The following NBPF10 variants were observed in gnomAD, a reference collection of about 807,000 sequenced individuals.
NBPF10 encodes NBPF member 10.
In NBPF10, 63 loss-of-function variants were observed where a neutral mutation model predicts 77.9. That is an observed-to-expected ratio of 0.81 (90% CI 0.66 to 1.00). The LOEUF is 1.00. Ranked by LOEUF, NBPF10 falls within the 50% of genes least tolerant of loss-of-function variation. NBPF10 has a pLI of 0.00. For missense variants in NBPF10, 522 were observed against 679.8 expected (o/e 0.77, Z 2.58); for synonymous variants, 146 against 264.5 (o/e 0.55, Z 4.35).
chr1:146,134,006 T>C (rs587672621), intron 9 of NBPF10, among the ~76,000 whole-genome samples, 187 bp downstream of exon 9: 7 of 150,754 alleles, frequency 4.6e-5, no homozygotes, highest in Non-Finnish European at 8.8e-5. Context: ...GGTGCAGACA[T>C]GACACTCAGC....
At chr1:146,074,027 A>G (rs1559314932) in intron 80 of NBPF10, among the ~76,000 whole-genome samples, 3 of 95,786 alleles carry the variant, frequency 3.1e-5, no homozygotes, top group East Asian at 2.8e-4. Flanking sequence ...CAGATCCAAC[A>G]TCTTGAGAGT....
At chr1:146,084,400 CA>C in intron 67 of NBPF10, 117 bp downstream of exon 67, 1 of 119,054 alleles carries the variant, frequency 8.4e-6, no homozygotes, top group African/African-American at 3.1e-5. Context: ...ACAGCAATGA[CA>C]GTAGGAGTAA....
At chr1:146,142,420 A>C (rs3872117) in intron 2 of NBPF10, among the ~76,000 whole-genome samples, 8 of 134,646 alleles carry the variant, frequency 5.9e-5, no homozygotes, top group Non-Finnish European at 1.0e-4. Context: ...TAAATTTCAC[A>C]TCAACAATTA....
chr1:146,126,590 G>A (rs587656036), intron 13 of NBPF10, among the ~76,000 whole-genome samples, 182 bp from the exon 14 acceptor site: 26 of 100,396 alleles, frequency 2.6e-4, no homozygotes, highest in East Asian at 1.4e-3. Context: ...AAGGATGAAC[G>A]AGAAAGACAC....
At chr1:146,069,892 TGAAAGA>T (rs1655651922) in intron 85 of NBPF10, among the ~76,000 whole-genome samples, 177 bp from the exon 86 acceptor site, 1 of 114,144 alleles carries the variant, frequency 8.8e-6, no homozygotes, top group South Asian at 2.5e-4. Flanking sequence ...TAGAAAACAA[TGAAAGA>T]GAAAGACAGA....
At chr1:146,081,002 C>G (rs1477060226) in intron 71 of NBPF10, among the ~76,000 whole-genome samples, 7 of 80,624 alleles carry the variant, frequency 8.7e-5, no homozygotes, top group African/African-American at 2.0e-4. Flanking sequence ...CACACACACA[C>G]ACACACACAC....
chr1:146,140,248 A>G (rs1259846062), intron 4 of NBPF10, among the ~76,000 whole-genome samples: 3 of 125,028 alleles, frequency 2.4e-5, no homozygotes, highest in African/African-American at 7.8e-5. Context: ...CACTGAACAG[A>G]TAGGAGCTGA....
intron 14 of NBPF10, 138 bp downstream of exon 14, chr1:146,126,098 C>T: frequency 7.6e-6 from 5 of 659,740 alleles, no homozygotes; most frequent in Non-Finnish European, 1.1e-5. Context: ...ACTAGAGTTT[C>T]ATTCAACCTA....
intron 28 of NBPF10, among the ~76,000 whole-genome samples, 187 bp downstream of exon 28, chr1:146,115,027 TAGGAATAGAGCCTTGC>T (rs1403732035): frequency 4.9e-5 from 4 of 81,490 alleles, no homozygotes; most frequent in African/African-American, 2.1e-4. Flanking sequence ...GGCTGGAGAC[TAGGAATAGAGCCTTGC>T]TCACTGACCC....
At chr1:146,066,716 G>A (rs1445168217) in intron 89 of NBPF10, among the ~76,000 whole-genome samples, 155 bp from the exon 90 acceptor site, 2 of 148,882 alleles carry the variant, frequency 1.3e-5, no homozygotes, top group African/African-American at 4.9e-5. Flanking sequence ...CTTTATGTTG[G>A]GATAGAACAG....
chr1:146,126,216 C>T lies in NBPF10; in HGVS notation c.2026+20G>A, dbSNP rs1259046880. ...AGAAGACTCAGTGGATCCTTATCACCTTCATAGAAAGGTACTCACCATCCA... is the reference window on the plus strand; with the variant it reads ...AGAAGACTCAGTGGATCCTTATCACTTTCATAGAAAGGTACTCACCATCCA... On this transcript the variant is annotated intron_variant, in intron 14 of 89. Transcript: ENST00000583866. The T allele has an allele frequency of 1.3e-6, 2 of 1,542,176 alleles. No homozygotes were observed. The highest frequency in any genetic ancestry group is 2.2e-5 in the East Asian group (1 of 44,508).
intron 13 of NBPF10, among the ~76,000 whole-genome samples, chr1:146,126,685 G>C (rs1238217361): frequency 1.4e-5 from 2 of 145,318 alleles, no homozygotes; most frequent in East Asian, 4.0e-4. Flanking sequence ...GGGAGTCAAA[G>C]GACACTCTGT....
chr1:146,138,834 C>T (rs113374098), intron 5 of NBPF10, among the ~76,000 whole-genome samples: 1 of 143,540 alleles, frequency 7.0e-6, no homozygotes, highest in Non-Finnish European at 1.6e-5. Context: ...ACGCAGGCTG[C>T]AGTGCAGAGG....
intron 2 of NBPF10, among the ~76,000 whole-genome samples, chr1:146,142,430 A>G (rs1210329415): frequency 7.4e-6 from 1 of 134,512 alleles, no homozygotes; most frequent in African/African-American, 2.5e-5. Flanking sequence ...ATCAACAATT[A>G]CTTGTTTGAA....
At chr1:146,114,262 C>T (rs1657718202) in intron 29 of NBPF10, among the ~76,000 whole-genome samples, 1 of 1,606 alleles carries the variant, frequency 6.2e-4, no homozygotes, top group African/African-American at 9.5e-4. Flanking sequence ...AAGTCTGGTC[C>T]ACCTACAGTA....
intron 35 of NBPF10, among the ~76,000 whole-genome samples, chr1:146,109,345 CAGAGAG>C (rs782284106): frequency 0.037 from 2,271 of 61,746 alleles, 11 homozygotes; most frequent in Non-Finnish European, 0.045. Flanking sequence ...CACACACACA[CAGAGAG>C]AGAGAGAGAG....
exon 14 of NBPF10, chr1:146,126,276 T>A (rs782090466): frequency 2.5e-6 from 4 of 1,607,606 alleles, no homozygotes; most frequent in South Asian, 1.1e-5. Flanking sequence ...GTTGCTCCAA[T>A]ATGTAAAAGG....
intron 13 of NBPF10, among the ~76,000 whole-genome samples, chr1:146,126,656 T>C (rs1658731476): frequency 1.4e-5 from 2 of 141,790 alleles, no homozygotes; most frequent in African/African-American, 2.6e-5. Flanking sequence ...AGTCAATTGG[T>C]CAGGTGACAC....
intron 2 of NBPF10, among the ~76,000 whole-genome samples, chr1:146,142,337 C>G (rs4339812): frequency 7.7e-6 from 1 of 130,370 alleles, no homozygotes; most frequent in African/African-American, 2.6e-5. Context: ...AGTGGGGTGG[C>G]GATAGCACAC....
Sources: gnomAD v4.1 joint callset for allele counts (sites outside exome capture counted in the v4.1 genomes callset) on GRCh38, gnomAD v4.1.1 for gene constraint, MANE v1.5 for transcripts, NCBI Gene and HGNC (gene_info 2026-07-23, HGNC 2026-07-21) for gene names.